Variants in PARD3B observed in about 807,000 individuals in gnomAD.
PARD3B encodes partitioning defective 3 homolog B.
PARD3B carries 103 observed loss-of-function variants against 130.2 expected under a neutral mutation model. That is an observed-to-expected ratio of 0.79 (90% CI 0.67 to 0.93). PARD3B has a LOEUF of 0.93. Among genes scored for constraint, PARD3B ranks in the 40% least tolerant of loss-of-function variants. PARD3B has a pLI of 0.00. For synonymous variants in PARD3B, 583 were observed against 553.2 expected (o/e 1.05, Z -0.76); for missense variants, 1,609 against 1,499.2 (o/e 1.07, Z -1.21).
chr2:205,304,373 A>T (rs2336418), intron 18 of PARD3B, among the ~76,000 whole-genome samples: 10 of 151,680 alleles, frequency 6.6e-5, no homozygotes, highest in Non-Finnish European at 8.8e-5. Context: ...TAGTGGCCCA[A>T]GCCTGTAATC....
chr2:204,756,703 A>G, intron 2 of PARD3B, among the ~76,000 whole-genome samples: 1 of 152,146 alleles, frequency 6.6e-6, no homozygotes, highest in Non-Finnish European at 1.5e-5. Context: ...TATAATGGTA[A>G]AGAAGGGCTT....
intron 1 of PARD3B, among the ~76,000 whole-genome samples, chr2:204,590,623 T>C (rs2033034897): frequency 6.6e-6 from 1 of 152,132 alleles, no homozygotes; most frequent in African/African-American, 2.4e-5. Context: ...CTTGTGTCTG[T>C]TTCAGCAGCA....
At chr2:204,560,124 A>G (rs1470730947) in intron 1 of PARD3B, among the ~76,000 whole-genome samples, 2 of 152,170 alleles carry the variant, frequency 1.3e-5, no homozygotes, top group African/African-American at 4.8e-5. Flanking sequence ...CCAGCATGGC[A>G]TATGTATACC....
chr2:205,349,755 A>G (rs1349380418), intron 18 of PARD3B, among the ~76,000 whole-genome samples: 2 of 151,348 alleles, frequency 1.3e-5, no homozygotes, highest in African/African-American at 2.4e-5. Flanking sequence ...TAGGAAGGAA[A>G]TATGTTAGCC....
In PARD3B at chr2:204,998,334, ATATATATATATATATATATATATATG is replaced by A. The variant is rs1312945635; in HGVS notation, c.394+33013_394+33038del. On this transcript the variant is annotated intron_variant, in intron 3 of 22. Transcript: ENST00000406610. ...AAAGTATATATATATATATATATAT[ATATATATATATATATATATATATATG>A]TGTGTGTGTGTGTGTATATATGTGT... 4.5e-4 allele frequency among the ~76,000 whole-genome samples: 18 copies of A among 40,304 alleles called. 2 individuals are homozygous for A. The highest frequency in any genetic ancestry group is 1.5e-3 in the African/African-American group (15 of 10,228). 26.4% of individuals were successfully genotyped at this position (40,304 alleles called of 152,430 possible).
intron 3 of PARD3B, among the ~76,000 whole-genome samples, chr2:204,976,782 T>C (rs1692208621): frequency 6.6e-6 from 1 of 151,182 alleles, no homozygotes; most frequent in Non-Finnish European, 1.5e-5. Flanking sequence ...AATTTTCGTA[T>C]TTTTTTTAGT....
chr2:205,589,288 C>CTCAA lies in PARD3B; in HGVS notation c.3261-26147_3261-26144dup, dbSNP rs979752330. Among the ~76,000 whole-genome samples the CTCAA allele has an allele frequency of 9.9e-5, 15 of 152,234 alleles. No individual in the cohort carries two copies. Among genetic ancestry groups the CTCAA allele is most frequent in the East Asian group, 1.9e-4 (1 of 5,168 alleles). On this transcript the variant is annotated intron_variant, in intron 22 of 22. Transcript: ENST00000406610. The surrounding 1 kb of genome is among the most constrained non-coding windows in gnomAD (Gnocchi z 4.1). The stretch of plus-strand genomic sequence containing the variant: ...CCTGGGTGGTGAAGCGAGACCCTGT[C>CTCAA]TCAATCAATCAATCAATCAATCAAA...
chr2:205,201,390 T>C (rs1362937842), intron 15 of PARD3B, among the ~76,000 whole-genome samples: 3 of 152,034 alleles, frequency 2.0e-5, no homozygotes, highest in East Asian at 3.8e-4. Flanking sequence ...AAAGGAAAAA[T>C]ATATAAATTA....
At chr2:205,346,166 C>T (rs1278467050) in intron 18 of PARD3B, among the ~76,000 whole-genome samples, 5 of 118,970 alleles carry the variant, frequency 4.2e-5, no homozygotes, top group East Asian at 2.6e-4. Flanking sequence ...AGTGAGACTC[C>T]GTCTCAAAAT....
chr2:205,471,353 CTTT>C (rs769669913), intron 20 of PARD3B, among the ~76,000 whole-genome samples: 1 of 85,434 alleles, frequency 1.2e-5, no homozygotes, highest in African/African-American at 4.7e-5. Flanking sequence ...ACTCACTTTT[CTTT>C]TTTTTTTTTT....
chr2:205,550,955 G>GTGTGTGTGTATATATATATA lies in PARD3B; in HGVS notation c.3181-2368_3181-2367insGTGTGTGTATATATATATAT, dbSNP rs796567936. The stretch of plus-strand genomic sequence containing the variant: ...TGTGTGTGTGTGTATATATATATGT[G>GTGTGTGTGTATATATATATA]TATATATATATATATATATATACAC... On this transcript the variant is annotated intron_variant, in intron 21 of 22. Coordinates refer to ENST00000406610, the MANE Select transcript of PARD3B (RefSeq NM_001302769.2). The surrounding 1 kb of genome is among the most constrained non-coding windows in gnomAD (Gnocchi z 4.5). 3.2e-5 allele frequency among the ~76,000 whole-genome samples: 3 copies of GTGTGTGTGTATATATATATA among 94,452 alleles called. No homozygotes were observed. Among genetic ancestry groups the GTGTGTGTGTATATATATATA allele is most frequent in the South Asian group, 4.2e-4 (1 of 2,376 alleles). The allele number at this position is 94,452 out of a possible 152,430, so 62.0% of individuals were successfully genotyped here.
At chr2:205,339,406 T>G (rs1483114436) in intron 18 of PARD3B, among the ~76,000 whole-genome samples, 1 of 152,114 alleles carries the variant, frequency 6.6e-6, no homozygotes, top group Non-Finnish European at 1.5e-5. Context: ...GTGATTGAGG[T>G]GGTTTGGCCT....
chr2:204,985,545 CAT>C (rs1433860990), intron 3 of PARD3B, among the ~76,000 whole-genome samples: 2 of 152,184 alleles, frequency 1.3e-5, no homozygotes, highest in African/African-American at 4.8e-5. Flanking sequence ...GCACCACACA[CAT>C]GAACGTGGCT....
intron 3 of PARD3B, among the ~76,000 whole-genome samples, chr2:204,995,531 A>G (rs1266857178): frequency 1.4e-5 from 2 of 141,502 alleles, no homozygotes; most frequent in East Asian, 2.1e-4. Flanking sequence ...CTTCATTTCA[A>G]CTTTGGTGAA....
chr2:204,838,501 C>T (rs1448663502), intron 2 of PARD3B, among the ~76,000 whole-genome samples: 1 of 152,016 alleles, frequency 6.6e-6, no homozygotes, highest in Non-Finnish European at 1.5e-5. Context: ...AGACATGAAC[C>T]ACCATGCCTG....
At chr2:204,668,773 T>A (rs529998331) in intron 1 of PARD3B, among the ~76,000 whole-genome samples, 1 of 152,340 alleles carries the variant, frequency 6.6e-6, no homozygotes, top group East Asian at 1.9e-4. Flanking sequence ...GTATATGTGA[T>A]GTTACATGAC....
intron 2 of PARD3B, among the ~76,000 whole-genome samples, chr2:204,888,211 G>A (rs2046327164): frequency 6.6e-6 from 1 of 152,170 alleles, no homozygotes. Flanking sequence ...TTGTGGATGT[G>A]TATTGAGATT....
intron 22 of PARD3B, among the ~76,000 whole-genome samples, chr2:205,587,826 C>T (rs1038743902): frequency 1.3e-5 from 2 of 152,230 alleles, no homozygotes; most frequent in African/African-American, 4.8e-5. Flanking sequence ...GCCCCCTTCT[C>T]TTTTCCCAGC....
At chr2:205,365,995 C>T (rs531109234) in intron 18 of PARD3B, among the ~76,000 whole-genome samples, 53 of 152,070 alleles carry the variant, frequency 3.5e-4, no homozygotes, top group Non-Finnish European at 7.4e-4. Flanking sequence ...TGAAGATAAT[C>T]AGTGACAAAA....
Sources: allele counts gnomAD v4.1 joint callset (sites outside exome capture counted in the v4.1 genomes callset), GRCh38; gene constraint gnomAD v4.1.1; non-coding constraint Gnocchi (gnomAD v3.1); transcripts MANE v1.5; gene names NCBI Gene and HGNC (gene_info 2026-07-23, HGNC 2026-07-21).